The following DOCK3 variants were observed in gnomAD, a reference collection of about 807,000 sequenced individuals.
DOCK3 encodes dedicator of cytokinesis 3.
In DOCK3, 60 loss-of-function variants were observed where a neutral mutation model predicts 265.6. The observed-to-expected ratio is 0.23, with a 90% CI of 0.18 to 0.28. The LOEUF is 0.28. Among genes scored for constraint, DOCK3 ranks in the 10% least tolerant of loss-of-function variants. DOCK3 has a pLI of 1.00. For synonymous variants in DOCK3, 881 were observed against 938.0 expected (o/e 0.94, Z 1.11); for missense variants, 1,981 against 2,594.3 (o/e 0.76, Z 5.14).
intron 3 of DOCK3, among the ~76,000 whole-genome samples, chr3:50,850,806 T>A (rs1350460437): frequency 6.6e-6 from 1 of 152,226 alleles, no homozygotes; most frequent in Admixed American, 6.5e-5. Flanking sequence ...TATATTCAGC[T>A]GTACAGTTCA....
Position 50,931,389 on chromosome 3 carries a change from A to G in DOCK3, c.219-2592A>G, listed in dbSNP as rs559541854. Reference sequence around the variant, plus strand: ...CACATTTAGCACCTATTTGTGCTTTATGTTTAAGTTTTGTTACTAAGATTG... The same window carrying G: ...CACATTTAGCACCTATTTGTGCTTTGTGTTTAAGTTTTGTTACTAAGATTG... On this transcript the variant is annotated intron_variant, in intron 4 of 52. Coordinates refer to ENST00000266037, the MANE Select transcript of DOCK3 (RefSeq NM_004947.5). Among the ~76,000 whole-genome samples the G allele has an allele frequency of 2.6e-5, 4 of 152,242 alleles. No homozygotes were observed. In the East Asian group the frequency reaches 5.8e-4, roughly 22 times the overall value.
chr3:50,750,991 A>C (rs534081468), intron 1 of DOCK3, among the ~76,000 whole-genome samples: 1 of 152,202 alleles, frequency 6.6e-6, no homozygotes, highest in Non-Finnish European at 1.5e-5. Context: ...ATTTATTGGA[A>C]TAGCTTCTCA....
intron 22 of DOCK3, among the ~76,000 whole-genome samples, chr3:51,250,823 C>T (rs2079177992): frequency 6.6e-6 from 1 of 152,126 alleles, no homozygotes; most frequent in Non-Finnish European, 1.5e-5. Flanking sequence ...ATTTAAAAGC[C>T]TAGATGGGAA....
intron 9 of DOCK3, among the ~76,000 whole-genome samples, chr3:51,092,664 A>G (rs901736919): frequency 3.2e-4 from 49 of 152,274 alleles, no homozygotes; most frequent in Middle Eastern, 6.8e-3. Flanking sequence ...GAGCTCTGCT[A>G]AGGGTCAGAC....
chr3:50,880,805 C>A (rs565298067), intron 3 of DOCK3, among the ~76,000 whole-genome samples: 1 of 152,234 alleles, frequency 6.6e-6, no homozygotes, highest in East Asian at 1.9e-4. Flanking sequence ...GATACCAAAG[C>A]CGGGCAGAGA....
At chr3:51,127,414 A>G (rs1187636417) in intron 9 of DOCK3, among the ~76,000 whole-genome samples, 1 of 152,234 alleles carries the variant, frequency 6.6e-6, no homozygotes, top group East Asian at 1.9e-4. Context: ...ATCTTTGAAT[A>G]AAGACAATAA....
chr3:51,260,365 CT>C, intron 23 of DOCK3, 39 bp downstream of exon 23: 3 of 1,556,838 alleles, frequency 1.9e-6, no homozygotes, highest in Non-Finnish European at 2.6e-6. Context: ...CTGGGTTCCT[CT>C]TTCTCAGTGG....
At chr3:50,751,300 A>G (rs2039789206) in intron 1 of DOCK3, among the ~76,000 whole-genome samples, 1 of 151,940 alleles carries the variant, frequency 6.6e-6, no homozygotes, top group South Asian at 2.1e-4. Context: ...ACATGTGCAG[A>G]ACATGCAGGC....
intron 9 of DOCK3, among the ~76,000 whole-genome samples, chr3:51,145,227 T>A (rs1233618129): frequency 2.0e-5 from 3 of 151,738 alleles, no homozygotes; most frequent in Non-Finnish European, 4.4e-5. Context: ...TGGATCTCTT[T>A]TTATTATTAT....
chr3:51,165,818 T>TAA (rs1257952968), intron 12 of DOCK3, among the ~76,000 whole-genome samples: 3 of 152,086 alleles, frequency 2.0e-5, no homozygotes, highest in Admixed American at 6.6e-5. Flanking sequence ...GTATAATTGA[T>TAA]ACATAATTTT....
At chr3:50,897,469 T>C (rs948565904) in intron 4 of DOCK3, among the ~76,000 whole-genome samples, 1 of 152,190 alleles carries the variant, frequency 6.6e-6, no homozygotes, top group Non-Finnish European at 1.5e-5. Context: ...TGAATACCCT[T>C]TATTTCTTTC....
At chr3:51,036,384 C>A (rs1559971252) in intron 5 of DOCK3, among the ~76,000 whole-genome samples, 1 of 152,098 alleles carries the variant, frequency 6.6e-6, no homozygotes, top group African/African-American at 2.4e-5. Context: ...TAAAATTTAT[C>A]TTTCCTGTTA....
chr3:50,700,344 A>G (rs1173374915), intron 1 of DOCK3, among the ~76,000 whole-genome samples: 5 of 152,226 alleles, frequency 3.3e-5, no homozygotes, highest in Non-Finnish European at 5.9e-5. Flanking sequence ...GTATATTACT[A>G]CTATGCTGTC....
At chr3:50,806,865 A>G (rs2043452740) in intron 2 of DOCK3, among the ~76,000 whole-genome samples, 1 of 152,090 alleles carries the variant, frequency 6.6e-6, no homozygotes, top group Non-Finnish European at 1.5e-5. Context: ...TTGTGTTCCC[A>G]ACCTGGAGCA....
chr3:50,745,488 A>G (rs1387009391), intron 1 of DOCK3, among the ~76,000 whole-genome samples: 1 of 152,202 alleles, frequency 6.6e-6, no homozygotes, highest in Non-Finnish European at 1.5e-5. Flanking sequence ...TGCAAGTCTT[A>G]TACTTCCATG....
At position 51,183,735 on chromosome 3, in the gene DOCK3, C is replaced by G. The variant is rs139320177; in HGVS notation, c.1037+23033C>G. Among the ~76,000 whole-genome samples, 677 of 152,210 alleles carry G rather than the reference C, an allele frequency of 4.4e-3. 21 individuals carry two copies. The highest frequency in any genetic ancestry group is 0.034 in the Admixed American group (515 of 15,298). Reference sequence around the variant, plus strand: ...GAGCAGTTTATACCAGGCTCCTACTCATTCTTAGAATAGGAGGTTATACAT... The same window carrying G: ...GAGCAGTTTATACCAGGCTCCTACTGATTCTTAGAATAGGAGGTTATACAT... On this transcript the variant is annotated intron_variant, in intron 12 of 52. Transcript: ENST00000266037.
At chr3:51,347,830 A>G (rs1454970642) in intron 38 of DOCK3, among the ~76,000 whole-genome samples, 3 of 152,150 alleles carry the variant, frequency 2.0e-5, no homozygotes, top group Admixed American at 6.5e-5. Context: ...AGTGGTTTGT[A>G]GTTCTTCTTG....
At chr3:50,782,098 G>A (rs916804133) in intron 2 of DOCK3, among the ~76,000 whole-genome samples, 1 of 152,068 alleles carries the variant, frequency 6.6e-6, no homozygotes, top group Admixed American at 6.6e-5. Flanking sequence ...ACATGCATAT[G>A]TCTTTATGAT....
intron 9 of DOCK3, among the ~76,000 whole-genome samples, chr3:51,104,695 T>C (rs991320560): frequency 1.3e-5 from 2 of 152,144 alleles, no homozygotes; most frequent in Non-Finnish European, 2.9e-5. Context: ...TAAACACTTA[T>C]AATCTGAGAA....
Sources: allele counts gnomAD v4.1 joint callset (sites outside exome capture counted in the v4.1 genomes callset), GRCh38; gene constraint gnomAD v4.1.1; transcripts MANE v1.5; gene names NCBI Gene and HGNC (gene_info 2026-07-23, HGNC 2026-07-21).